The following CTNND2 variants were observed in gnomAD, a reference collection of about 807,000 sequenced individuals.
CTNND2 encodes catenin delta-2.
A neutral mutation model predicts 144.4 loss-of-function variants in CTNND2; 22 were observed. The observed-to-expected ratio is 0.15, with a 90% confidence interval of 0.11 to 0.22. CTNND2 has a LOEUF of 0.22. Among genes scored for constraint, CTNND2 ranks in the 10% least tolerant of loss-of-function variants. The pLI is 1.00. For missense variants in CTNND2, 1,353 were observed against 1,618.8 expected, an observed-to-expected ratio of 0.84 and a Z score of 2.82; for synonymous variants, 751 against 695.6, an observed-to-expected ratio of 1.08 and a Z score of -1.25.
intron 8 of CTNND2, among the ~76,000 whole-genome samples, chr5:11,349,907 G>C (rs1755157406): frequency 6.6e-6 from 1 of 152,180 alleles, no homozygotes; most frequent in Non-Finnish European, 1.5e-5. Flanking sequence ...GGAGGCTGAG[G>C]TAGGCAGATC....
At chr5:11,742,240 A>C (rs1788059688) in intron 1 of CTNND2, among the ~76,000 whole-genome samples, 1 of 152,158 alleles carries the variant, frequency 6.6e-6, no homozygotes, top group South Asian at 2.1e-4. Flanking sequence ...TTGCTTGTCA[A>C]ATCTTGTTTC....
chr5:11,331,430 T>C (rs1322294219), intron 9 of CTNND2, among the ~76,000 whole-genome samples: 2 of 152,216 alleles, frequency 1.3e-5, no homozygotes, highest in Non-Finnish European at 2.9e-5. Flanking sequence ...TGTTAAAATA[T>C]TAATAGAATT....
At chr5:11,796,217 A>C (rs1791393565) in intron 1 of CTNND2, among the ~76,000 whole-genome samples, 1 of 152,190 alleles carries the variant, frequency 6.6e-6, no homozygotes, top group African/African-American at 2.4e-5. Context: ...TGCATCTGCC[A>C]TGCTAACCCC....
At chr5:11,052,257 T>C (rs566693137) in intron 16 of CTNND2, among the ~76,000 whole-genome samples, 38 of 152,334 alleles carry the variant, frequency 2.5e-4, no homozygotes, top group Middle Eastern at 6.8e-3. Flanking sequence ...ATTTTTGAGA[T>C]GTGTATATAC....
chr5:11,788,174 A>T (rs796461652), intron 1 of CTNND2, among the ~76,000 whole-genome samples: 7 of 152,294 alleles, frequency 4.6e-5, no homozygotes, highest in African/African-American at 1.7e-4. Context: ...TAAATTTTTT[A>T]AAACTAAAAA....
At chr5:11,685,220 A>T (rs1283660054) in intron 2 of CTNND2, among the ~76,000 whole-genome samples, 1 of 152,210 alleles carries the variant, frequency 6.6e-6, no homozygotes, top group East Asian at 1.9e-4. Context: ...GGGGCAGCAG[A>T]TGAAGTGTAT....
At position 11,380,799 on chromosome 5, in the gene CTNND2, G is replaced by A. The variant is rs576651330; in HGVS notation, c.1177+3866C>T. ...GCCTTACCAAGTGCCCACTATAGTC[G>A]ATGACCCGAAACCCTCAGATAGAAC... On this transcript the variant is annotated intron_variant, in intron 7 of 21. Coordinates refer to ENST00000304623, the MANE Select transcript of CTNND2 (RefSeq NM_001332.4). Among the ~76,000 whole-genome samples, 8 of 152,274 alleles carry A rather than the reference G, an allele frequency of 5.3e-5. No individual in the cohort carries two copies. The South Asian group carries it at 1.5e-3, about 28-fold the overall frequency.
chr5:11,034,922 G>A (rs969424176), intron 16 of CTNND2, among the ~76,000 whole-genome samples: 7 of 151,452 alleles, frequency 4.6e-5, no homozygotes, highest in African/African-American at 1.7e-4. Context: ...TGCACAGTGT[G>A]CAGGTTAGTT....
rs1554095734 is a variant in CTNND2, at chr5:11,623,848, A to ATATATG, written c.175-58798_175-58793dup. ...TATATATATATATATATATATATAT[A>ATATATG]TATATGCACCAAAAAAGGAGCAGCC... On this transcript the variant is annotated intron_variant, in intron 2 of 21. Transcript: ENST00000304623. Among the ~76,000 whole-genome samples, 8 of 134,394 alleles carry ATATATG rather than the reference A, an allele frequency of 6.0e-5. No individual in the cohort carries two copies. The East Asian group carries it at 1.6e-3, about 26-fold the overall frequency. 88.2% of individuals were successfully genotyped at this position (134,394 alleles called of 152,430 possible).
chr5:11,750,147 A>G (rs74703954), intron 1 of CTNND2, among the ~76,000 whole-genome samples: 1,555 of 152,084 alleles, frequency 0.01, 8 homozygotes, highest in Non-Finnish European at 0.017. Flanking sequence ...GATAGATACT[A>G]GCGCTGCTGA....
intron 2 of CTNND2, among the ~76,000 whole-genome samples, chr5:11,657,563 A>C (rs1782980724): frequency 6.6e-6 from 1 of 152,028 alleles, no homozygotes; most frequent in Non-Finnish European, 1.5e-5. Flanking sequence ...CTCAGGTTTT[A>C]TGAGTTGGCA....
chr5:11,374,776 T>C (rs949467776), intron 7 of CTNND2, among the ~76,000 whole-genome samples: 5 of 18,572 alleles, frequency 2.7e-4, no homozygotes, highest in Non-Finnish European at 2.5e-4. Context: ...CCCAATCTAC[T>C]TTTTTTTTTT....
chr5:11,296,186 A>G (rs1008531932), intron 9 of CTNND2, among the ~76,000 whole-genome samples: 47 of 152,062 alleles, frequency 3.1e-4, no homozygotes, highest in African/African-American at 1.1e-3. Flanking sequence ...ATGAACAGAC[A>G]CTTCTCAAAA....
At chr5:11,128,497 A>G (rs1354895313) in intron 12 of CTNND2, among the ~76,000 whole-genome samples, 2 of 150,972 alleles carry the variant, frequency 1.3e-5, no homozygotes, top group Non-Finnish European at 2.9e-5. Flanking sequence ...TTTTTAAGTC[A>G]TGGAATTTGT....
At position 11,397,164 on chromosome 5, in the gene CTNND2, G is replaced by T. The variant is rs200012325; in HGVS notation, c.479C>A (p.Ser160Tyr). Reference protein sequence around the residue: ...LLSQSALQLNSKPEGSFQYPA... With the variant: ...LLSQSALQLNYKPEGSFQYPA... ...ATACTGGAAAGACCCTTCAGGTTTG[G>T]AATTGAGCTGAAGTGCACTCTGGGA... The change falls in exon 6 of 22, where the codon TCC (serine) becomes TAC (tyrosine). Residue 160 changes from serine (S) to tyrosine (Y), a missense_variant. By Grantham distance (144) the Ser-to-Tyr change is moderately radical (BLOSUM62 -2). This residue lies in a region of CTNND2 where 708 missense variants were observed against 706.4 expected (regional missense o/e 1.00). Coordinates refer to ENST00000304623, the MANE Select transcript of CTNND2 (RefSeq NM_001332.4). 2 of 1,614,212 alleles carry T rather than the reference G, an allele frequency of 1.2e-6. No homozygotes were observed. The highest frequency in any genetic ancestry group is 3.3e-5 in the Admixed American group (2 of 60,028).
intron 11 of CTNND2, among the ~76,000 whole-genome samples, chr5:11,192,724 G>A (rs1214006446): frequency 6.6e-6 from 1 of 152,170 alleles, no homozygotes; most frequent in East Asian, 1.9e-4. Context: ...CGTCCTGAAA[G>A]CAACACAGCC....
intron 9 of CTNND2, among the ~76,000 whole-genome samples, chr5:11,250,491 C>CTCTCTCTCTCTATATA (rs869141186): frequency 2.5e-4 from 16 of 64,104 alleles, no homozygotes; most frequent in African/African-American, 9.4e-4. Flanking sequence ...CTCTCTCTCT[C>CTCTCTCTCTCTATATA]TATATATATA....
chr5:11,677,671 T>TAC (rs1199451149), intron 2 of CTNND2, among the ~76,000 whole-genome samples: 1 of 152,156 alleles, frequency 6.6e-6, no homozygotes, highest in Non-Finnish European at 1.5e-5. Flanking sequence ...TTAAAAAGGG[T>TAC]ACACAATGAA....
intron 6 of CTNND2, chr5:11,385,903 G>A (rs1394632891): frequency 6.6e-6 from 1 of 152,014 alleles, no homozygotes; most frequent in African/African-American, 2.4e-5. Context: ...AATTGGAAAT[G>A]AGAATGCTAA....
Sources: allele counts gnomAD v4.1 joint callset (sites outside exome capture counted in the v4.1 genomes callset), GRCh38; gene constraint gnomAD v4.1.1; regional missense constraint gnomAD v4.1.1; transcripts MANE v1.5; gene names NCBI Gene and HGNC (gene_info 2026-07-23, HGNC 2026-07-21).